The following HELZ variants were observed in gnomAD, a reference collection of about 807,000 sequenced individuals.
HELZ encodes the protein ATP-dependent RNA helicase with zinc finger domain.
HELZ carries 23 observed loss-of-function variants against 218.2 expected under a neutral mutation model. The ratio of observed to expected loss-of-function variants is 0.11; its 90% CI spans 0.08 to 0.15. HELZ has a LOEUF of 0.15. HELZ is among the 10% of genes least tolerant of loss of function. The pLI, the probability that HELZ is intolerant of heterozygous loss-of-function variation, is 1.00. For missense variants in HELZ, 1,813 were observed against 2,353.7 expected (o/e 0.77, Z 4.75); for synonymous variants, 814 against 829.4 (o/e 0.98, Z 0.32).
intron 17 of HELZ, among the ~76,000 whole-genome samples, chr17:67,156,294 CACTT>C (rs1319885505): frequency 6.6e-6 from 1 of 152,036 alleles, no homozygotes; most frequent in Non-Finnish European, 1.5e-5. Context: ...TTTAACCTGT[CACTT>C]ACAGGTGGCT....
intron 5 of HELZ, among the ~76,000 whole-genome samples, chr17:67,212,314 C>CAAAAGAAAAAAAAA (rs2040475867): frequency 4.7e-5 from 1 of 21,396 alleles, no homozygotes; most frequent in Non-Finnish European, 8.1e-5. Flanking sequence ...GACACCATCT[C>CAAAAGAAAAAAAAA]AAAAAAAAAA....
intron 12 of HELZ, among the ~76,000 whole-genome samples, chr17:67,183,227 T>C (rs1472616634): frequency 1.3e-5 from 2 of 152,194 alleles, no homozygotes; most frequent in African/African-American, 4.8e-5. Context: ...CTATATCCTT[T>C]CTTTCACCCA....
chr17:67,112,689 G>A (rs1041494964), intron 28 of HELZ, among the ~76,000 whole-genome samples: 55 of 152,172 alleles, frequency 3.6e-4, no homozygotes, highest in East Asian at 1.7e-3. Flanking sequence ...TTTGGAAGTC[G>A]GTATCATGAA....
rs2036027074 is a variant in HELZ at position 67,076,704 on chromosome 17, T to C, written c.*1548A>G. 1 of 152,212 alleles carries C rather than the reference T, an allele frequency of 6.6e-6. No homozygotes were observed. The highest frequency in any genetic ancestry group is 2.4e-5 in the African/African-American group (1 of 41,454). The allele number at this position is 152,212 out of a possible 1,614,324, so 9.4% of individuals were successfully genotyped here. On this transcript the variant is annotated 3_prime_UTR_variant, in exon 33 of 33. Transcript: ENST00000358691. ...CCAATCATAGAAGAAATGTCAGTAATTTTTCTTTACCTTTGCCATTTTACA... is the reference window on the plus strand; with the variant it reads ...CCAATCATAGAAGAAATGTCAGTAACTTTTCTTTACCTTTGCCATTTTACA...
At chr17:67,217,929 TG>T (rs1198669140) in intron 4 of HELZ, among the ~76,000 whole-genome samples, 2 of 146,644 alleles carry the variant, frequency 1.4e-5, no homozygotes, top group African/African-American at 2.7e-5. Flanking sequence ...TGTTTTTTGT[TG>T]TTTTTTTTTT....
chr17:67,151,733 C>A (rs1351202992), intron 17 of HELZ, among the ~76,000 whole-genome samples: 1 of 152,096 alleles, frequency 6.6e-6, no homozygotes, highest in African/African-American at 2.4e-5. Flanking sequence ...AGACCTCTGT[C>A]TGAGGTTCTG....
chr17:67,085,534 A>G (rs944546482), intron 32 of HELZ, among the ~76,000 whole-genome samples: 1 of 141,218 alleles, frequency 7.1e-6, no homozygotes, highest in Non-Finnish European at 1.5e-5. Flanking sequence ...GCCAGGAAAT[A>G]AAAGCAAAAG....
intron 9 of HELZ, among the ~76,000 whole-genome samples, chr17:67,192,935 A>G (rs907847357): frequency 1.3e-5 from 2 of 152,194 alleles, no homozygotes; most frequent in Admixed American, 6.5e-5. Context: ...CATGAAGATA[A>G]TATTTTTCAG....
intron 5 of HELZ, among the ~76,000 whole-genome samples, chr17:67,206,464 G>T (rs541153196): frequency 6.6e-6 from 1 of 152,162 alleles, no homozygotes; most frequent in Admixed American, 6.5e-5. Flanking sequence ...ACAAGGCAAG[G>T]ATTAACAATT....
intron 17 of HELZ, among the ~76,000 whole-genome samples, chr17:67,154,481 T>C (rs2038780806): frequency 6.6e-6 from 1 of 152,148 alleles, no homozygotes; most frequent in Non-Finnish European, 1.5e-5. Context: ...ATTCTTTTTA[T>C]TGTCTGATAC....
intron 26 of HELZ, among the ~76,000 whole-genome samples, chr17:67,121,172 A>G (rs946739826): frequency 4.6e-5 from 7 of 152,244 alleles, no homozygotes; most frequent in Non-Finnish European, 8.8e-5. Flanking sequence ...CCACCTTAAA[A>G]TACAAAAACA....
intron 5 of HELZ, among the ~76,000 whole-genome samples, chr17:67,209,331 C>A (rs1014023492): frequency 6.6e-6 from 1 of 152,116 alleles, no homozygotes; most frequent in Non-Finnish European, 1.5e-5. Flanking sequence ...GACGCGGTGG[C>A]TCACGCCTGT....
rs1273858447 is a variant in HELZ, at chr17:67,123,948, A to C, written c.3439+15T>G. ...TCATAAAAGCAAGTTTTCATAGGGT[A>C]ATTTTTCCACTTACCAATTCCATCA... is the stretch of plus-strand genomic sequence containing the variant. On this transcript the variant is annotated intron_variant, in intron 25 of 32. Coordinates refer to ENST00000358691, the MANE Select transcript of HELZ (RefSeq NM_014877.4). 2.5e-6 allele frequency: 4 copies of C among 1,594,898 alleles called. No homozygotes were observed. Among genetic ancestry groups the C allele is most frequent in the African/African-American group, 1.3e-5 (1 of 74,416 alleles).
chr17:67,143,487 G>A (rs561964304), intron 21 of HELZ, among the ~76,000 whole-genome samples: 2 of 151,984 alleles, frequency 1.3e-5, no homozygotes, highest in Admixed American at 6.6e-5. Context: ...GTGGTGGTGC[G>A]TACCCATAGT....
Position 67,167,584 on chromosome 17 carries a change from T to C in HELZ, c.1643A>G (p.Gln548Arg). Residue 548 changes from glutamine (Q) to arginine (R), a missense_variant, in exon 14 of 33, where the codon CAG (glutamine) becomes CGG (arginine). Gln to Arg is a conservative substitution (Grantham distance 43). This residue lies in a region of HELZ where 714 missense variants were observed against 1,029.2 expected (regional missense o/e 0.69). Coordinates refer to ENST00000358691, the MANE Select transcript of HELZ (RefSeq NM_014877.4). ...TTCATAAACCTTCTCTTTGGTTCCC[T>C]GGGTCTGTACTAACTTCTGTTTAGG... ...PVPKQKLVQT[Q>R]GTKEKVYEAT... 1 of 1,614,100 alleles carries C rather than the reference T, an allele frequency of 6.2e-7. No individual in the cohort carries two copies. Among genetic ancestry groups the C allele is most frequent in the South Asian group, 1.1e-5 (1 of 91,086 alleles).
At chr17:67,243,577 T>C (rs2041385649) in intron 2 of HELZ, among the ~76,000 whole-genome samples, 1 of 152,202 alleles carries the variant, frequency 6.6e-6, no homozygotes, top group Admixed American at 6.5e-5. Flanking sequence ...ACCACTATGT[T>C]TGAGTATGTT....
rs1036519899 is a variant in HELZ at position 67,194,014 on chromosome 17, T to C, written c.510A>G (p.Pro170=). 9.9e-6 allele frequency: 16 copies of C among 1,613,602 alleles called. No individual in the cohort carries two copies. The highest frequency in any genetic ancestry group is 1.4e-5 in the Non-Finnish European group (16 of 1,179,806). Residue 170 remains proline, a synonymous_variant, in exon 9 of 33, where the codon CCA becomes CCG. Transcript: ENST00000358691. The stretch of plus-strand genomic sequence containing the variant: ...CGCTGCTTGTGATTCCCCTAGGTGG[T>C]GGGCGGAAATGCCAACCATTACAAG... ...EGSCNGWHFR[P]PPRGITSSEE...
At chr17:67,089,668 T>TATATATAG (rs71293575) in intron 31 of HELZ, among the ~76,000 whole-genome samples, 19 of 70,630 alleles carry the variant, frequency 2.7e-4, no homozygotes, top group African/African-American at 5.4e-4. Context: ...TATATATATA[T>TATATATAG]AGAGAGAGAG....
Position 67,107,409 on chromosome 17 carries a change from T to C in HELZ, c.5001A>G (p.Glu1667=). The C allele has an allele frequency of 6.2e-7, 1 of 1,614,150 alleles. No homozygotes were observed. Among genetic ancestry groups the C allele is most frequent in the Non-Finnish European group, 8.5e-7 (1 of 1,180,016 alleles). ...ATTTCAAGGGAGGAGGGGCAAGGTG[T>C]TCAGATGGCAACGAGAAAGGTGAGT... ...IFNSPFSLPS[E]HLAPPPLKYL... Residue 1667 remains glutamate, a synonymous_variant, in exon 31 of 33, where the codon GAA becomes GAG. Transcript: ENST00000358691.
Sources: allele counts gnomAD v4.1 joint callset (sites outside exome capture counted in the v4.1 genomes callset), GRCh38; gene constraint gnomAD v4.1.1; regional missense constraint gnomAD v4.1.1; transcripts MANE v1.5; gene names NCBI Gene and HGNC (gene_info 2026-07-23, HGNC 2026-07-21).